Variants in GRHL2 observed in about 807,000 individuals in gnomAD.
The protein encoded by GRHL2 is grainyhead-like protein 2 homolog.
A neutral mutation model predicts 83.8 loss-of-function variants in GRHL2; 21 were observed. That is an observed-to-expected ratio of 0.25 (90% confidence interval 0.18 to 0.36). The LOEUF (loss-of-function observed/expected upper bound fraction) is 0.36. Ranked by LOEUF, GRHL2 falls within the 10% of genes least tolerant of loss-of-function variation. The probability of loss-of-function intolerance (pLI) is 1.00; values close to 1 mark genes in which losing one functional copy is unlikely to be tolerated. For missense variants in GRHL2, 623 were observed against 781.8 expected (o/e 0.80, Z 2.42); for synonymous variants, 280 against 278.9 (o/e 1.00, Z -0.04).
chr8:101,614,016 G>A (rs1489122756), intron 8 of GRHL2, among the ~76,000 whole-genome samples: 1 of 150,888 alleles, frequency 6.6e-6, no homozygotes, highest in Non-Finnish European at 1.5e-5. Context: ...TGAATCAAAG[G>A]TAGGCCCATT....
At chr8:101,522,676 A>G (rs1810709606) in intron 1 of GRHL2, among the ~76,000 whole-genome samples, 1 of 149,704 alleles carries the variant, frequency 6.7e-6, no homozygotes, top group Non-Finnish European at 1.5e-5. Flanking sequence ...AAACACAAAA[A>G]TGAGTACCTC....
chr8:101,516,776 G>T (rs142840282), intron 1 of GRHL2, among the ~76,000 whole-genome samples: 81 of 152,154 alleles, frequency 5.3e-4, no homozygotes, highest in Admixed American at 1.1e-3. Flanking sequence ...ATCATTTTAC[G>T]TATTATCTAT....
intron 7 of GRHL2, among the ~76,000 whole-genome samples, chr8:101,595,994 C>G (rs1048409149): frequency 2.0e-5 from 3 of 152,022 alleles, no homozygotes. Context: ...GTGGCAGGCA[C>G]CTGTAGTCCC....
intron 14 of GRHL2, among the ~76,000 whole-genome samples, chr8:101,653,760 C>A (rs528618517): frequency 6.6e-6 from 1 of 151,180 alleles, no homozygotes; most frequent in Non-Finnish European, 1.5e-5. Context: ...AAAACAAAAA[C>A]AAAGATGCCA....
At chr8:101,640,024 A>G (rs955011769) in intron 12 of GRHL2, among the ~76,000 whole-genome samples, 1 of 152,228 alleles carries the variant, frequency 6.6e-6, no homozygotes, top group Non-Finnish European at 1.5e-5. Flanking sequence ...ACTTCTCTGC[A>G]TTACCAGTCT....
At chr8:101,560,898 G>T (rs1284482283) in intron 4 of GRHL2, among the ~76,000 whole-genome samples, 1 of 151,810 alleles carries the variant, frequency 6.6e-6, no homozygotes, top group East Asian at 1.9e-4. Context: ...GTGAATATAG[G>T]CCCTTCATTA....
At position 101,667,272 on chromosome 8, in the gene GRHL2, C is replaced by A. The variant is rs1483241637; in HGVS notation, c.*569C>A. ...GGGTTCCCAGCAAGTGGCCACCAGGCCTTGTACAGGAAGACATTCAGTCAC... is the reference window on the plus strand; with the variant it reads ...GGGTTCCCAGCAAGTGGCCACCAGGACTTGTACAGGAAGACATTCAGTCAC... On this transcript the variant is annotated 3_prime_UTR_variant, in exon 16 of 16. Coordinates refer to ENST00000646743, the MANE Select transcript of GRHL2 (RefSeq NM_024915.4). 4 of 183,008 alleles carry A rather than the reference C, an allele frequency of 2.2e-5. No individual in the cohort carries two copies. In the East Asian group the frequency reaches 5.0e-4, roughly 23 times the overall value. 11.3% of individuals were successfully genotyped at this position (183,008 alleles called of 1,614,324 possible). A position where few individuals can be genotyped will look rare whatever the true frequency, so the allele number is the denominator to read the frequency against.
At chr8:101,569,127 C>T (rs1489542793) in intron 4 of GRHL2, among the ~76,000 whole-genome samples, 1 of 152,104 alleles carries the variant, frequency 6.6e-6, no homozygotes, top group Non-Finnish European at 1.5e-5. Flanking sequence ...AGTGAAAAAA[C>T]AAGATACGTG....
chr8:101,607,398 T>C (rs1016186397), intron 8 of GRHL2, among the ~76,000 whole-genome samples: 1 of 152,198 alleles, frequency 6.6e-6, no homozygotes, highest in African/African-American at 2.4e-5. Flanking sequence ...TGTGGGTTCA[T>C]GACCTTGCTT....
intron 1 of GRHL2, among the ~76,000 whole-genome samples, chr8:101,498,412 G>T (rs1295623886): frequency 6.6e-6 from 1 of 152,192 alleles, no homozygotes; most frequent in Non-Finnish European, 1.5e-5. Flanking sequence ...GAGCCGCCAT[G>T]CTTGGTGTTC....
intron 5 of GRHL2, among the ~76,000 whole-genome samples, chr8:101,571,736 G>T (rs1811828850): frequency 6.6e-6 from 1 of 151,912 alleles, no homozygotes; most frequent in African/African-American, 2.4e-5. Context: ...AAGTCCTCTG[G>T]TTCCAATCTC....
intron 7 of GRHL2, among the ~76,000 whole-genome samples, chr8:101,585,887 G>A (rs1812152846): frequency 6.6e-6 from 1 of 151,980 alleles, no homozygotes; most frequent in Non-Finnish European, 1.5e-5. Flanking sequence ...TCATTCTGTT[G>A]AGGCTAGTAT....
intron 8 of GRHL2, among the ~76,000 whole-genome samples, chr8:101,617,845 T>C (rs1189030294): frequency 6.6e-6 from 1 of 152,166 alleles, no homozygotes; most frequent in African/African-American, 2.4e-5. Flanking sequence ...ATGGTTTTGC[T>C]TCCTTGAGGG....
At chr8:101,563,556 T>G (rs1811651362) in intron 4 of GRHL2, among the ~76,000 whole-genome samples, 1 of 152,184 alleles carries the variant, frequency 6.6e-6, no homozygotes, top group Non-Finnish European at 1.5e-5. Flanking sequence ...AAGTGACATA[T>G]GATAAATTCC....
At chr8:101,663,718 T>A (rs766521817) in intron 14 of GRHL2, among the ~76,000 whole-genome samples, 1 of 152,122 alleles carries the variant, frequency 6.6e-6, no homozygotes, top group Admixed American at 6.5e-5. Context: ...TTTTTTTATA[T>A]GCTCATTGTC....
intron 1 of GRHL2, among the ~76,000 whole-genome samples, chr8:101,508,572 T>C (rs551810684): frequency 3.3e-5 from 5 of 152,268 alleles, no homozygotes; most frequent in Middle Eastern, 3.4e-3. Flanking sequence ...CAGTACGTCA[T>C]TGGGTCTGAG....
At chr8:101,593,319 C>T (rs976706321) in intron 7 of GRHL2, among the ~76,000 whole-genome samples, 3 of 152,094 alleles carry the variant, frequency 2.0e-5, no homozygotes, top group African/African-American at 7.2e-5. Flanking sequence ...AAATATTAAG[C>T]CATTTTCCTA....
the GRHL2 span, among the ~76,000 whole-genome samples, chr8:101,678,014 C>G: frequency 1.3e-5 from 2 of 152,158 alleles, no homozygotes. Context: ...CTTCGGCCAC[C>G]TCAAAAACCA....
intron 4 of GRHL2, among the ~76,000 whole-genome samples, chr8:101,566,775 CT>C (rs1183642860): frequency 6.6e-6 from 1 of 151,878 alleles, no homozygotes; most frequent in Non-Finnish European, 1.5e-5. Context: ...CCAATTTTCC[CT>C]TTCTCATAGC....
Sources: gnomAD v4.1 joint callset for allele counts (sites outside exome capture counted in the v4.1 genomes callset) on GRCh38, gnomAD v4.1.1 for gene constraint, MANE v1.5 for transcripts, NCBI Gene and HGNC (gene_info 2026-07-23, HGNC 2026-07-21) for gene names.